HTR2C: variants seen among roughly 807,000 people sequenced by gnomAD.
HTR2C encodes 5-hydroxytryptamine receptor 2C.
Under a neutral mutation model 21.0 loss-of-function variants are expected in HTR2C, and 5 were observed. The ratio of observed to expected loss-of-function variants is 0.24; its 90% CI spans 0.12 to 0.50. HTR2C has a LOEUF of 0.50. Among genes scored for constraint, HTR2C ranks in the 20% least tolerant of loss-of-function variants. HTR2C has a pLI of 0.98. For synonymous variants in HTR2C, 150 were observed against 145.3 expected, an observed-to-expected ratio of 1.03 and a Z score of -0.23; for missense variants, 271 against 371.2, an observed-to-expected ratio of 0.73 and a Z score of 2.22.
chrX:114,807,462 T>TATATATACCATATATATACGCC lies in HTR2C; in HGVS notation c.350-40534_350-40533insCCATATATATACGCCATATATA, dbSNP rs1569496298. Among the ~76,000 whole-genome samples the TATATATACCATATATATACGCC allele has an allele frequency of 7.6e-3, 47 of 6,204 alleles. 5 individuals carry two copies. Among genetic ancestry groups the TATATATACCATATATATACGCC allele is most frequent in the East Asian group, 0.095 (2 of 21 alleles). The allele number at this position is 6,204 out of a possible 115,157, so 5.4% of individuals were successfully genotyped here. On this transcript the variant is annotated intron_variant, in intron 4 of 5. Coordinates refer to ENST00000276198, the MANE Select transcript of HTR2C (RefSeq NM_000868.4). ...ATATATATACCATATATATACGCCATATATATATACCATATATATACATCA... is the reference window on the plus strand; with the variant it reads ...ATATATATACCATATATATACGCCATATATATACCATATATATACGCCATATATATACCATATATATACATCA...
At chrX:114,858,922 A>T (rs918178747) in intron 5 of HTR2C, among the ~76,000 whole-genome samples, 2 of 110,390 alleles carry the variant, frequency 1.8e-5, no homozygotes, top group Non-Finnish European at 3.8e-5. Flanking sequence ...GAATCCACTG[A>T]GATGATTATA....
chrX:114,726,258 G>A (rs1272302301), intron 2 of HTR2C, among the ~76,000 whole-genome samples: 1 of 112,453 alleles, frequency 8.9e-6, no homozygotes, highest in African/African-American at 3.2e-5. Context: ...GCAGTATTGG[G>A]GTGGGAGTGA....
chrX:114,629,345 G>T (rs782815447), intron 2 of HTR2C, among the ~76,000 whole-genome samples: 2 of 111,564 alleles, frequency 1.8e-5, no homozygotes, highest in Non-Finnish European at 3.8e-5. Context: ...TTTAAAAGCC[G>T]TTAGCCAAGA....
At chrX:114,629,116 C>T (rs1353937154) in intron 2 of HTR2C, among the ~76,000 whole-genome samples, 2 of 111,609 alleles carry the variant, frequency 1.8e-5, no homozygotes, top group Non-Finnish European at 3.8e-5. Context: ...ACTCTGGTTA[C>T]CCAACAGTTT....
chrX:114,598,911 G>T (rs1927973966), intron 1 of HTR2C, among the ~76,000 whole-genome samples: 1 of 110,816 alleles, frequency 9.0e-6, no homozygotes, highest in Non-Finnish European at 1.9e-5. Flanking sequence ...CTTAGAGAGG[G>T]TTCTTGATTT....
chrX:114,667,825 A>G (rs182259506), intron 2 of HTR2C, among the ~76,000 whole-genome samples: 1 of 112,200 alleles, frequency 8.9e-6, no homozygotes, highest in East Asian at 2.8e-4. Flanking sequence ...ATTATGAGCC[A>G]GAAACATGAC....
chrX:114,664,341 C>G (rs933264040), intron 2 of HTR2C, among the ~76,000 whole-genome samples: 1 of 111,853 alleles, frequency 8.9e-6, no homozygotes, highest in Non-Finnish European at 1.9e-5. Flanking sequence ...GCCCAGCATG[C>G]ACTAGCTATT....
intron 4 of HTR2C, chrX:114,775,846 G>A: frequency 5.2e-6 from 2 of 386,630 alleles, no homozygotes; most frequent in South Asian, 7.2e-5. Context: ...GGCCAAGGGT[G>A]CCATGGAACA....
intron 4 of HTR2C, among the ~76,000 whole-genome samples, chrX:114,735,167 A>G (rs782424031): frequency 3.6e-5 from 4 of 110,040 alleles, no homozygotes; most frequent in Non-Finnish European, 5.7e-5. Context: ...ATACAAAAAA[A>G]TTATCTGGGT....
intron 4 of HTR2C, chrX:114,775,532 GA>G (rs2070048439): frequency 2.0e-6 from 1 of 493,825 alleles, no homozygotes; most frequent in Non-Finnish European, 3.8e-6. Flanking sequence ...TACTATGCTT[GA>G]TGAGGACAGG....
intron 3 of HTR2C, among the ~76,000 whole-genome samples, chrX:114,728,202 A>T (rs2069501617): frequency 8.9e-6 from 1 of 112,007 alleles, no homozygotes; most frequent in Non-Finnish European, 1.9e-5. Flanking sequence ...TTGTTTATAT[A>T]CTAAGAATGT....
intron 2 of HTR2C, among the ~76,000 whole-genome samples, chrX:114,650,130 T>G (rs1451561143): frequency 8.9e-6 from 1 of 111,979 alleles, no homozygotes; most frequent in East Asian, 2.8e-4. Flanking sequence ...TTGACTACAT[T>G]TAATGTCTAA....
intron 1 of HTR2C, among the ~76,000 whole-genome samples, chrX:114,604,111 C>T (rs1348614033): frequency 9.3e-6 from 1 of 107,266 alleles, no homozygotes; most frequent in Non-Finnish European, 1.9e-5. Context: ...GATCGGTCGC[C>T]AAGGAGGGAG....
At chrX:114,818,008 T>C (rs782820540) in intron 4 of HTR2C, among the ~76,000 whole-genome samples, 1 of 111,719 alleles carries the variant, frequency 9.0e-6, no homozygotes, top group Admixed American at 9.6e-5. Flanking sequence ...GACAATGGTG[T>C]TATCTCAGAA....
chrX:114,712,750 T>G (rs1338747959), intron 2 of HTR2C, among the ~76,000 whole-genome samples: 1 of 111,825 alleles, frequency 8.9e-6, no homozygotes, highest in Non-Finnish European at 1.9e-5. Flanking sequence ...TTTAATAAAT[T>G]GTTATTGGAA....
rs1556423325 is a variant in HTR2C at position 114,731,423 on chromosome X, G to T, written c.165G>T (p.Trp55Cys). The T allele has an allele frequency of 2.5e-6, 3 of 1,210,391 alleles. No individual in the cohort carries two copies. The highest frequency in any genetic ancestry group is 2.2e-6 in the Non-Finnish European group (2 of 894,671). The change falls in exon 4 of 6, where the codon TGG (tryptophan) becomes TGT (cysteine). Residue 55 changes from tryptophan to cysteine, a missense_variant. By Grantham distance (215) the Trp-to-Cys change is radical. Around this residue, in one of 5 missense-constraint regions of HTR2C, gnomAD observed 57 missense variants for 64.0 expected, o/e 0.89. Transcript: ENST00000276198. ...RFKFPDGVQN[W>C]PALSIVIIII... ...AATTCCCAGACGGGGTACAAAACTG[G>T]CCAGCACTTTCAATCGTCATCATAA...
chrX:114,601,326 CTGTT>C (rs782298838), intron 1 of HTR2C, among the ~76,000 whole-genome samples: 92 of 110,706 alleles, frequency 8.3e-4, no homozygotes, highest in African/African-American at 2.8e-3. Flanking sequence ...AGCAACATGG[CTGTT>C]TATTTCACCT....
chrX:114,685,915 A>C (rs1226206136), intron 2 of HTR2C, among the ~76,000 whole-genome samples: 1 of 111,637 alleles, frequency 9.0e-6, no homozygotes, highest in Non-Finnish European at 1.9e-5. Flanking sequence ...GATTATATTT[A>C]ATTTCCCCTT....
intron 2 of HTR2C, among the ~76,000 whole-genome samples, chrX:114,643,979 T>C (rs782158573): frequency 9.0e-6 from 1 of 110,628 alleles, no homozygotes. Flanking sequence ...CCTAAGTAAA[T>C]AGAGTGTTCA....
Sources: gnomAD v4.1 joint callset for allele counts (sites outside exome capture counted in the v4.1 genomes callset) on GRCh38, gnomAD v4.1.1 for gene constraint, gnomAD v4.1.1 regional missense constraint, MANE v1.5 for transcripts, NCBI Gene and HGNC (gene_info 2026-07-23, HGNC 2026-07-21) for gene names.